Variants in ATP2B3 observed in about 807,000 individuals in gnomAD.
ATP2B3 encodes ATPase plasma membrane Ca2+ transporting 3.
A neutral mutation model predicts 70.8 loss-of-function variants in ATP2B3; 12 were observed. The observed-to-expected ratio is 0.17, with a 90% CI of 0.11 to 0.27. ATP2B3 has a LOEUF of 0.27. Ranked by LOEUF, ATP2B3 falls within the 10% of genes least tolerant of loss-of-function variation. ATP2B3 has a pLI of 1.00. For missense variants in ATP2B3, 858 were observed against 1,118.5 expected (o/e 0.77, Z 3.32); for synonymous variants, 460 against 497.8 (o/e 0.92, Z 1.01).
At chrX:153,534,715 C>A (rs1163636712) in intron 2 of ATP2B3, among the ~76,000 whole-genome samples, 2 of 113,175 alleles carry the variant, frequency 1.8e-5, no homozygotes, top group Non-Finnish European at 3.7e-5. Flanking sequence ...ACATGGCCAT[C>A]ATTTTGTCCC....
intron 2 of ATP2B3, among the ~76,000 whole-genome samples, chrX:153,535,663 G>A (rs1179111599): frequency 8.9e-6 from 1 of 112,494 alleles, no homozygotes; most frequent in Non-Finnish European, 1.9e-5. Flanking sequence ...GCTGCACAGG[G>A]CGCATCTTAA....
intron 2 of ATP2B3, among the ~76,000 whole-genome samples, chrX:153,521,143 G>A (rs782154073): frequency 8.9e-6 from 1 of 112,967 alleles, no homozygotes; most frequent in Non-Finnish European, 1.9e-5. Flanking sequence ...CCCCAGCAAC[G>A]CCCCGGGCTG....
At chrX:153,532,578 A>AC (rs1174840396) in intron 2 of ATP2B3, among the ~76,000 whole-genome samples, 3 of 110,472 alleles carry the variant, frequency 2.7e-5, no homozygotes, top group African/African-American at 9.9e-5. Flanking sequence ...GCAGCCAGGG[A>AC]CCCCCCTGGC....
Position 153,581,799 on chromosome X carries a change from T to C in ATP2B3, c.*1501T>C, listed in dbSNP as rs1364364592. ...GTGTCCAGCGGCCAAGCTTAAGCCA[T>C]GAAGTCATGGATTTGTGGCTCAGCA... On this transcript the variant is annotated 3_prime_UTR_variant, in exon 22 of 22. Transcript: ENST00000263519. The C allele has an allele frequency of 1.8e-5, 2 of 112,509 alleles. No homozygotes were observed. Among genetic ancestry groups the C allele is most frequent in the Non-Finnish European group, 3.8e-5 (2 of 53,212 alleles). The allele number at this position is 112,509 out of a possible 1,213,427, so 9.3% of individuals were successfully genotyped here.
chrX:153,574,297 A>G (rs1256337499), intron 21 of ATP2B3, among the ~76,000 whole-genome samples: 6 of 112,333 alleles, frequency 5.3e-5, no homozygotes, highest in African/African-American at 1.9e-4. Flanking sequence ...GAAGTTCCCC[A>G]TGGGTCTCCC....
chrX:153,538,304 G>A (rs1379558743), intron 3 of ATP2B3, among the ~76,000 whole-genome samples: 1 of 113,265 alleles, frequency 8.8e-6, no homozygotes, highest in Non-Finnish European at 1.9e-5. Flanking sequence ...GTGGGCAGAC[G>A]TGGGGCTGCC....
chrX:153,530,452 G>C (rs1167415075), intron 2 of ATP2B3, among the ~76,000 whole-genome samples: 5 of 112,723 alleles, frequency 4.4e-5, no homozygotes, highest in African/African-American at 1.6e-4. Flanking sequence ...GGCGCAGGCT[G>C]AATCGGGCAA....
chrX:153,555,674 G>C (rs2090523684), intron 13 of ATP2B3, among the ~76,000 whole-genome samples: 1 of 112,158 alleles, frequency 8.9e-6, no homozygotes, highest in Non-Finnish European at 1.9e-5. Flanking sequence ...TCAGCACTGG[G>C]GAACCTCTTT....
rs782499429 is a variant in ATP2B3 at position 153,541,508 on chromosome X, G to C, written c.358G>C (p.Val120Leu). 2 of 1,211,689 alleles carry C rather than the reference G, an allele frequency of 1.7e-6. No individual in the cohort carries two copies. Among genetic ancestry groups the C allele is most frequent in the Non-Finnish European group, 2.2e-6 (2 of 895,513 alleles). ...TLIILEVAAI[V>L]SLGLSFYAPP... ...CATCATCCTGGAGGTGGCTGCCATC[G>C]TCTCTCTGGGCCTCTCGTTCTATGC... Residue 120 changes from valine to leucine, a missense_variant, in exon 4 of 22, where the codon GTC becomes CTC. By Grantham distance (32) the Val-to-Leu change is conservative. Transcript: ENST00000263519.
chrX:153,532,542 A>C (rs1306757770), intron 2 of ATP2B3, among the ~76,000 whole-genome samples: 1 of 111,903 alleles, frequency 8.9e-6, no homozygotes, highest in Non-Finnish European at 1.9e-5. Context: ...GACTTGGGCC[A>C]TCCCCTCCAG....
Position 153,550,298 on chromosome X carries a change from G to C in ATP2B3, c.1823+12G>C. On this transcript the variant is annotated intron_variant, in intron 12 of 21. Transcript: ENST00000263519. Reference sequence around the variant, plus strand: ...ATCCTCTTGAAAAAGTGAGTGAGCAGCAGGGAGGTGCCGGGGTACGCACGG... The same window carrying C: ...ATCCTCTTGAAAAAGTGAGTGAGCACCAGGGAGGTGCCGGGGTACGCACGG... 1 of 1,209,297 alleles carries C rather than the reference G, an allele frequency of 8.3e-7. No individual in the cohort carries two copies. Among genetic ancestry groups the C allele is most frequent in the Non-Finnish European group, 1.1e-6 (1 of 893,117 alleles).
At chrX:153,554,549 A>G (rs782396964) in intron 13 of ATP2B3, among the ~76,000 whole-genome samples, 33 of 112,873 alleles carry the variant, frequency 2.9e-4, no homozygotes, top group Non-Finnish European at 4.7e-4. Flanking sequence ...AAGACTGGCC[A>G]GCCTGGTGGT....
chrX:153,526,473 G>T (rs150071495), intron 2 of ATP2B3, among the ~76,000 whole-genome samples: 1,783 of 111,997 alleles, frequency 0.016, 37 homozygotes, highest in African/African-American at 0.055. Flanking sequence ...CTTCCTCTGG[G>T]CTTTGCTGGA....
intron 7 of ATP2B3, among the ~76,000 whole-genome samples, chrX:153,544,968 G>A (rs1345330192): frequency 8.9e-6 from 1 of 112,899 alleles, no homozygotes; most frequent in Non-Finnish European, 1.9e-5. Context: ...TGTGCTGTGC[G>A]GTCATCGCAC....
At chrX:153,549,948 A>G in intron 11 of ATP2B3, 97 bp from the exon 12 acceptor site, 2 of 1,150,130 alleles carry the variant, frequency 1.7e-6, no homozygotes, top group Non-Finnish European at 2.3e-6. Context: ...ACACCCTAAC[A>G]ATGTGGTGAC....
chrX:153,538,539 C>T (rs1216255839), intron 3 of ATP2B3, among the ~76,000 whole-genome samples: 2 of 113,017 alleles, frequency 1.8e-5, no homozygotes, highest in Non-Finnish European at 3.8e-5. Flanking sequence ...AACCTGGCCC[C>T]GCCCAGTGCC....
intron 12 of ATP2B3, among the ~76,000 whole-genome samples, chrX:153,551,531 T>C (rs370301111): frequency 5.8e-4 from 65 of 112,110 alleles, no homozygotes; most frequent in African/African-American, 2.0e-3. Flanking sequence ...TTCACTCTCT[T>C]GATAGTGTCC....
At chrX:153,578,774 G>A (rs1282723992) in intron 21 of ATP2B3, among the ~76,000 whole-genome samples, 3 of 112,223 alleles carry the variant, frequency 2.7e-5, no homozygotes, top group Non-Finnish European at 5.6e-5. Context: ...GAGCCCGGGA[G>A]GCAGCAGAGA....
chrX:153,527,682 C>T (rs1569533295), intron 2 of ATP2B3, among the ~76,000 whole-genome samples: 1 of 112,240 alleles, frequency 8.9e-6, no homozygotes, highest in African/African-American at 3.2e-5. Context: ...AGGAGCACTG[C>T]GGGAGTCCGG....
Sources: allele counts gnomAD v4.1 joint callset (sites outside exome capture counted in the v4.1 genomes callset), GRCh38; gene constraint gnomAD v4.1.1; transcripts MANE v1.5; gene names NCBI Gene and HGNC (gene_info 2026-07-23, HGNC 2026-07-21).